The following ABCA13 variants were observed in gnomAD, a reference collection of about 807,000 sequenced individuals.
The protein encoded by ABCA13 is ATP binding cassette subfamily A member 13, also known as ATP-binding cassette sub-family A member 13.
Under a neutral mutation model 478.7 loss-of-function variants are expected in ABCA13, and 476 were observed. The observed-to-expected ratio is 0.99, with a 90% CI of 0.92 to 1.07. ABCA13 has a LOEUF of 1.07. Among genes scored for constraint, ABCA13 ranks in the 50% least tolerant of loss-of-function variants. The pLI is 0.00. For synonymous variants in ABCA13, 2,252 were observed against 2,158.9 expected, an observed-to-expected ratio of 1.04 and a Z score of -1.20; for missense variants, 6,060 against 5,910.6, an observed-to-expected ratio of 1.03 and a Z score of -0.83.
chr7:48,337,971 C>G (rs1806527255), intron 28 of ABCA13, among the ~76,000 whole-genome samples: 1 of 152,164 alleles, frequency 6.6e-6, no homozygotes, highest in Non-Finnish European at 1.5e-5. Context: ...CTGAAATCCT[C>G]CTTCAGAGTT....
At position 48,365,068 on chromosome 7, in the gene ABCA13, C is replaced by T. The variant is rs550790519; in HGVS notation, c.10689-2726C>T. On this transcript the variant is annotated intron_variant, in intron 31 of 61. Coordinates refer to ENST00000435803, the MANE Select transcript of ABCA13 (RefSeq NM_152701.5). ...TCCCTTTTCTCCAAATCCCTGCCAGCGTCTGTTATTTTCTCTCTTTTTGAT... is the reference window on the plus strand; with the variant it reads ...TCCCTTTTCTCCAAATCCCTGCCAGTGTCTGTTATTTTCTCTCTTTTTGAT... Among the ~76,000 whole-genome samples the T allele has an allele frequency of 2.6e-5, 4 of 152,202 alleles. No individual in the cohort carries two copies. The South Asian group carries it at 6.2e-4, about 24-fold the overall frequency.
chr7:48,457,017 C>G (rs942174326), intron 43 of ABCA13, among the ~76,000 whole-genome samples: 1 of 151,734 alleles, frequency 6.6e-6, no homozygotes, highest in Non-Finnish European at 1.5e-5. Context: ...TTTTCTTCAA[C>G]AAATATTTAT....
At chr7:48,293,278 A>G (rs1412643548) in intron 20 of ABCA13, among the ~76,000 whole-genome samples, 2 of 145,914 alleles carry the variant, frequency 1.4e-5, no homozygotes, top group Non-Finnish European at 3.0e-5. Context: ...CTTAGCTCCC[A>G]ACCTTGACTT....
intron 35 of ABCA13, among the ~76,000 whole-genome samples, chr7:48,384,083 A>G (rs994956185): frequency 6.6e-6 from 1 of 152,206 alleles, no homozygotes; most frequent in Non-Finnish European, 1.5e-5. Context: ...TGCTAATTCA[A>G]ATCTATAAAC....
intron 50 of ABCA13, among the ~76,000 whole-genome samples, 155 bp downstream of exon 50, chr7:48,508,204 C>T (rs1452032544): frequency 2.0e-5 from 3 of 152,100 alleles, no homozygotes; most frequent in African/African-American, 7.2e-5. Flanking sequence ...GATTAAGTCA[C>T]CTTTACTGAT....
intron 59 of ABCA13, among the ~76,000 whole-genome samples, chr7:48,632,040 C>G (rs1411249972): frequency 6.6e-6 from 1 of 152,120 alleles, no homozygotes; most frequent in Non-Finnish European, 1.5e-5. Flanking sequence ...TTACTGAATT[C>G]ATTTATCAAG....
Position 48,217,713 on chromosome 7 carries a change from C to A in ABCA13, c.288-1641C>A, listed in dbSNP as rs543486515. 6.6e-5 allele frequency among the ~76,000 whole-genome samples: 10 copies of A among 152,280 alleles called. No individual in the cohort carries two copies. The South Asian group carries it at 2.1e-3, about 32-fold the overall frequency. Reference sequence around the variant, plus strand: ...CTCAAGTGGGTCCTTCACAGAATTGCAAGGATGTCTCTAGGTGCAGCATTG... The same window carrying A: ...CTCAAGTGGGTCCTTCACAGAATTGAAAGGATGTCTCTAGGTGCAGCATTG... On this transcript the variant is annotated intron_variant, in intron 3 of 61. Coordinates refer to ENST00000435803, the MANE Select transcript of ABCA13 (RefSeq NM_152701.5).
At chr7:48,178,486 C>A (rs1225671711) in intron 1 of ABCA13, among the ~76,000 whole-genome samples, 1 of 151,966 alleles carries the variant, frequency 6.6e-6, no homozygotes, top group Non-Finnish European at 1.5e-5. Flanking sequence ...ACCAGCTTGG[C>A]CAACATGGTG....
chr7:48,397,661 T>A (rs907876686), intron 38 of ABCA13, among the ~76,000 whole-genome samples: 9 of 152,168 alleles, frequency 5.9e-5, no homozygotes, highest in African/African-American at 2.2e-4. Flanking sequence ...TTTTCCATAC[T>A]TGGATGGGAT....
intron 1 of ABCA13, among the ~76,000 whole-genome samples, chr7:48,187,019 G>GTATATATATA (rs773804724): frequency 1.2e-4 from 18 of 145,142 alleles, no homozygotes; most frequent in African/African-American, 3.8e-4. Context: ...ATGTGTGTGT[G>GTATATATATA]TATATATATA....
At chr7:48,227,502 T>G in intron 6 of ABCA13, 77 bp downstream of exon 6, 2 of 1,483,110 alleles carry the variant, frequency 1.3e-6, no homozygotes, top group Middle Eastern at 1.9e-4. Flanking sequence ...GAAATAAAAA[T>G]TACTAATTGT....
chr7:48,556,004 G>A (rs1372946959), intron 55 of ABCA13, among the ~76,000 whole-genome samples: 1 of 151,236 alleles, frequency 6.6e-6, no homozygotes, highest in Admixed American at 6.6e-5. Context: ...GGTATGTTGT[G>A]CTCTCATTAG....
At chr7:48,187,017 G>GTATATATA (rs767585452) in intron 1 of ABCA13, among the ~76,000 whole-genome samples, 2,383 of 135,280 alleles carry the variant, frequency 0.018, 73 homozygotes, top group African/African-American at 0.06. Flanking sequence ...ATATGTGTGT[G>GTATATATA]TGTATATATA....
intron 41 of ABCA13, among the ~76,000 whole-genome samples, chr7:48,421,202 T>TC (rs34402411): frequency 0.3 from 22,483 of 74,830 alleles, 1,865 homozygotes; most frequent in South Asian, 0.38. Flanking sequence ...TTTCTCTCTC[T>TC]TTTTTTTTTT....
At chr7:48,579,679 G>A (rs1168692017) in intron 55 of ABCA13, among the ~76,000 whole-genome samples, 1 of 152,158 alleles carries the variant, frequency 6.6e-6, no homozygotes, top group Middle Eastern at 3.2e-3. Flanking sequence ...TAAGACTCAA[G>A]GAGCTGCCCA....
In ABCA13 at chr7:48,410,507, T is replaced by C. The variant is rs779958974; in HGVS notation, c.12071-13T>C. The C allele has an allele frequency of 6.2e-7, 1 of 1,614,006 alleles. No homozygotes were observed. Among genetic ancestry groups the C allele is most frequent in the Non-Finnish European group, 8.5e-7 (1 of 1,179,870 alleles). The stretch of plus-strand genomic sequence containing the variant: ...GTCCTCCTGGTGCTGATGCACCCTG[T>C]GCTTGGACCCAGGTCGTACGATCAT... On this transcript the variant is annotated splice_polypyrimidine_tract_variant and intron_variant, in intron 39 of 61. Transcript: ENST00000435803.
At chr7:48,381,545 C>T (rs149891008) in intron 35 of ABCA13, among the ~76,000 whole-genome samples, 7 of 152,258 alleles carry the variant, frequency 4.6e-5, no homozygotes, top group South Asian at 2.1e-4. Flanking sequence ...TCCTGGCCTG[C>T]GGGGCTCAGC....
At chr7:48,486,362 G>A (rs1829299019) in intron 47 of ABCA13, among the ~76,000 whole-genome samples, 1 of 152,206 alleles carries the variant, frequency 6.6e-6, no homozygotes, top group Non-Finnish European at 1.5e-5. Context: ...AGGTCAAGAT[G>A]TTTATTGGGC....
chr7:48,576,459 A>ATT (rs1200037263), intron 55 of ABCA13, among the ~76,000 whole-genome samples: 1 of 152,184 alleles, frequency 6.6e-6, no homozygotes, highest in African/African-American at 2.4e-5. Flanking sequence ...GCAGGAGTTA[A>ATT]TTATATAGAA....
Sources: gnomAD v4.1 joint callset for allele counts (sites outside exome capture counted in the v4.1 genomes callset) on GRCh38, gnomAD v4.1.1 for gene constraint, MANE v1.5 for transcripts, NCBI Gene and HGNC (gene_info 2026-07-23, HGNC 2026-07-21) for gene names.